The following NCKAP5 variants were observed in gnomAD, a reference collection of about 807,000 sequenced individuals.
NCKAP5 encodes nck-associated protein 5.
Under a neutral mutation model 167.0 loss-of-function variants are expected in NCKAP5, and 92 were observed. The ratio of observed to expected loss-of-function variants is 0.55; its 90% CI spans 0.47 to 0.66. The LOEUF (loss-of-function observed/expected upper bound fraction) is 0.66, where lower values mean the gene tolerates loss of function less well. Among genes scored for constraint, NCKAP5 ranks in the 30% least tolerant of loss-of-function variants. The pLI, the probability that NCKAP5 is intolerant of heterozygous loss-of-function variation, is 0.00. For synonymous variants in NCKAP5, 891 were observed against 877.4 expected (o/e 1.02, Z -0.27); for missense variants, 2,378 against 2,315.0 (o/e 1.03, Z -0.56).
chr2:133,090,187 T>C (rs2081124691), intron 6 of NCKAP5, among the ~76,000 whole-genome samples: 1 of 147,274 alleles, frequency 6.8e-6, no homozygotes. Context: ...GGCAATACAG[T>C]GAGACCTTGT....
At chr2:132,891,043 T>C (rs1692658703) in intron 8 of NCKAP5, among the ~76,000 whole-genome samples, 1 of 152,166 alleles carries the variant, frequency 6.6e-6, no homozygotes, top group Admixed American at 6.5e-5. Flanking sequence ...AAGTCTTTGT[T>C]TAAAAAAGTT....
At chr2:132,703,348 T>C (rs1024575781) in intron 19 of NCKAP5, among the ~76,000 whole-genome samples, 3 of 152,228 alleles carry the variant, frequency 2.0e-5, no homozygotes, top group Non-Finnish European at 4.4e-5. Flanking sequence ...ACAATTCATC[T>C]TGGAAATTCT....
intron 8 of NCKAP5, among the ~76,000 whole-genome samples, chr2:132,958,433 C>A (rs1030166667): frequency 6.6e-6 from 1 of 152,222 alleles, no homozygotes; most frequent in Non-Finnish European, 1.5e-5. Context: ...TATTAGCCCA[C>A]AAAGCAGAAG....
In NCKAP5 at chr2:132,874,974, C is replaced by A. The variant is rs139604787; in HGVS notation, c.648+3874G>T. Among the ~76,000 whole-genome samples the A allele has an allele frequency of 2.2e-4, 34 of 152,146 alleles. No homozygotes were observed. The East Asian group carries it at 6.2e-3, about 28-fold the overall frequency. ...AGACATTGTTGTGGAATCAGAAGTA[C>A]TTTAAAACTTCCACATGGGTCTGTG... On this transcript the variant is annotated intron_variant, in intron 9 of 19. Coordinates refer to ENST00000409261, the MANE Select transcript of NCKAP5 (RefSeq NM_207363.3).
chr2:132,958,322 G>A (rs1353920252), intron 8 of NCKAP5, among the ~76,000 whole-genome samples: 1 of 151,916 alleles, frequency 6.6e-6, no homozygotes, highest in African/African-American at 2.4e-5. Flanking sequence ...TTAGTCCTAG[G>A]CACCTACCCT....
At chr2:133,196,426 C>G (rs1031990131) in intron 5 of NCKAP5, among the ~76,000 whole-genome samples, 6 of 152,174 alleles carry the variant, frequency 3.9e-5, no homozygotes, top group South Asian at 2.1e-4. Context: ...AGTAAGAGAA[C>G]TGAGGCACAC....
the NCKAP5 span, among the ~76,000 whole-genome samples, chr2:133,633,904 G>A: frequency 6.6e-6 from 1 of 152,128 alleles, no homozygotes. Flanking sequence ...AACTACACTG[G>A]GTCTAAGATA....
chr2:133,462,918 A>T (rs1692292117), intron 3 of NCKAP5, among the ~76,000 whole-genome samples: 1 of 152,124 alleles, frequency 6.6e-6, no homozygotes, highest in Admixed American at 6.5e-5. Context: ...CAGCCCTCTC[A>T]TTATTGGTTT....
At chr2:132,704,000 C>A (rs1034618671) in intron 19 of NCKAP5, among the ~76,000 whole-genome samples, 1 of 152,116 alleles carries the variant, frequency 6.6e-6, no homozygotes, top group African/African-American at 2.4e-5. Context: ...ATCTGAATGA[C>A]CCCTGTTGAA....
At chr2:133,467,478 T>G (rs376865858) in intron 3 of NCKAP5, among the ~76,000 whole-genome samples, 14 of 152,014 alleles carry the variant, frequency 9.2e-5, no homozygotes, top group South Asian at 4.2e-4. Flanking sequence ...TCTCTTTTTT[T>G]GTTGTGTCTC....
At chr2:133,470,487 A>G (rs1172236418) in intron 3 of NCKAP5, among the ~76,000 whole-genome samples, 2 of 152,208 alleles carry the variant, frequency 1.3e-5, no homozygotes, top group Non-Finnish European at 2.9e-5. Flanking sequence ...CTGCCCCCAG[A>G]GGTGGAGCCT....
intron 6 of NCKAP5, among the ~76,000 whole-genome samples, chr2:133,125,892 A>G (rs1574105469): frequency 6.6e-6 from 1 of 152,252 alleles, no homozygotes; most frequent in South Asian, 2.1e-4. Flanking sequence ...TCTGATCATT[A>G]TAGCCTAATC....
At chr2:133,326,045 G>A (rs756224644) in intron 3 of NCKAP5, among the ~76,000 whole-genome samples, 17 of 152,274 alleles carry the variant, frequency 1.1e-4, no homozygotes, top group Non-Finnish European at 2.4e-4. Flanking sequence ...TTGTTAATAC[G>A]TAACTAGAAT....
At chr2:132,997,307 C>T (rs531142956) in intron 6 of NCKAP5, among the ~76,000 whole-genome samples, 7 of 152,072 alleles carry the variant, frequency 4.6e-5, no homozygotes, top group Non-Finnish European at 7.4e-5. Flanking sequence ...AGATGGTGGG[C>T]GCTGGTTACG....
chr2:133,470,878 GGT>G (rs1679218542), intron 3 of NCKAP5, among the ~76,000 whole-genome samples: 1 of 152,372 alleles, frequency 6.6e-6, no homozygotes, highest in South Asian at 2.1e-4. Flanking sequence ...GCTTGCGCAT[GGT>G]GCGCGCACCC....
At chr2:133,619,591 TTGTCTAAACCTAAGAATAAA>T in the NCKAP5 span, among the ~76,000 whole-genome samples, 1 of 151,958 alleles carries the variant, frequency 6.6e-6, no homozygotes, top group Non-Finnish European at 1.5e-5. Flanking sequence ...GCTTGGGACT[TTGTCTAAACCTAAGAATAAA>T]TGTCCAAACC....
At chr2:133,419,778 A>C in intron 3 of NCKAP5, among the ~76,000 whole-genome samples, 1 of 152,222 alleles carries the variant, frequency 6.6e-6, no homozygotes, top group East Asian at 1.9e-4. Flanking sequence ...CAGCAAAATC[A>C]TTCACAATTA....
At chr2:133,556,737 G>T (rs1156304017) in intron 2 of NCKAP5, 2 of 152,128 alleles carry the variant, frequency 1.3e-5, no homozygotes, top group African/African-American at 2.4e-5. Context: ...TGCTTATTTT[G>T]CTCTCTGCCC....
At chr2:133,357,288 GACACACACACACACACACACACAC>G (rs10635907) in intron 3 of NCKAP5, among the ~76,000 whole-genome samples, 4 of 140,190 alleles carry the variant, frequency 2.9e-5, no homozygotes, top group African/African-American at 1.0e-4. Context: ...CACATACACA[GACACACACACACACACACACACAC>G]ACACACACAC....
Sources: allele counts gnomAD v4.1 joint callset (sites outside exome capture counted in the v4.1 genomes callset), GRCh38; gene constraint gnomAD v4.1.1; transcripts MANE v1.5; gene names NCBI Gene and HGNC (gene_info 2026-07-23, HGNC 2026-07-21).